Variants in ENPP1 observed in about 807,000 individuals in gnomAD.
ENPP1 encodes ectonucleotide pyrophosphatase/phosphodiesterase family member 1.
Under a neutral mutation model 122.8 loss-of-function variants are expected in ENPP1, and 73 were observed. The observed-to-expected ratio is 0.59, with a 90% CI of 0.49 to 0.72. The LOEUF is 0.72. ENPP1 is among the 30% of genes least tolerant of loss of function. The pLI is 0.00. For missense variants in ENPP1, 978 were observed against 1,128.1 expected, an observed-to-expected ratio of 0.87 and a Z score of 1.91; for synonymous variants, 367 against 391.6, an observed-to-expected ratio of 0.94 and a Z score of 0.74.
chr6:131,818,663 G>T (rs1426527268), intron 1 of ENPP1, among the ~76,000 whole-genome samples: 2 of 150,148 alleles, frequency 1.3e-5, no homozygotes, highest in Non-Finnish European at 3.0e-5. Flanking sequence ...AAAAAAAAAT[G>T]TCCTTGATGA....
intron 1 of ENPP1, chr6:131,825,938 A>C (rs1265876770): frequency 2.1e-6 from 1 of 473,688 alleles, no homozygotes; most frequent in Non-Finnish European, 3.8e-6. Flanking sequence ...GCCCTGGAGC[A>C]TACTTTCAAA....
chr6:131,854,782 G>A (rs1388820834), intron 5 of ENPP1, 144 bp from the exon 6 acceptor site: 16 of 676,956 alleles, frequency 2.4e-5, no homozygotes, highest in Admixed American at 1.6e-4. Flanking sequence ...TATGCTTGCC[G>A]ACTTTGTTAG....
At chr6:131,875,676 A>G in intron 16 of ENPP1, 100 bp from the exon 17 acceptor site, 5 of 871,902 alleles carry the variant, frequency 5.7e-6, no homozygotes, top group Non-Finnish European at 9.8e-6. Context: ...TTATCTTATC[A>G]TAACCAGTTT....
Position 131,827,312 on chromosome 6 carries a change from A to T in ENPP1, c.240+19037A>T, listed in dbSNP as rs201437847. ...AAGGATCATACTGATTAGCCAGATG[A>T]AGGATGAAGGCAAAGTCATTCTTGA... On this transcript the variant is annotated intron_variant, in intron 1 of 24. Transcript: ENST00000647893. The T allele has an allele frequency of 1.1e-3, 1,479 of 1,338,024 alleles. 11 individuals carry two copies. In the Middle Eastern group the frequency reaches 0.012, roughly 11 times the overall value. The allele number at this position is 1,338,024 out of a possible 1,614,324, so 82.9% of individuals were successfully genotyped here.
intron 9 of ENPP1, among the ~76,000 whole-genome samples, chr6:131,862,169 C>CA (rs1329322904): frequency 2.0e-5 from 3 of 151,336 alleles, no homozygotes; most frequent in Admixed American, 6.6e-5. Context: ...AACTCCCTAT[C>CA]AAAAAACAAC....
At position 131,850,041 on chromosome 6, in the gene ENPP1, G is replaced by A; in HGVS notation, c.365G>A (p.Cys122Tyr). Reference protein sequence around the residue: ...CFERTFGNCRCDAACVELGNC... With the variant: ...CFERTFGNCRYDAACVELGNC... ...GAGAGAACATTTGGGAACTGTCGCT[G>A]TGATGCTGCCTGTGTTGAGCTTGGA... Residue 122 changes from cysteine to tyrosine, a missense_variant, in exon 3 of 25, where the codon TGT becomes TAT. Cys to Tyr is a radical substitution (Grantham distance 194, BLOSUM62 -2). Transcript: ENST00000647893. The A allele has an allele frequency of 6.2e-7, 1 of 1,614,098 alleles. No individual in the cohort carries two copies. The highest frequency in any genetic ancestry group is 8.5e-7 in the Non-Finnish European group (1 of 1,179,986).
At chr6:131,826,425 A>G (rs998859454) in intron 1 of ENPP1, 1 of 916,730 alleles carries the variant, frequency 1.1e-6, no homozygotes, top group Non-Finnish European at 1.8e-6. Flanking sequence ...GCTCTAGGTT[A>G]GATAATGCCC....
chr6:131,885,134 G>T, intron 23 of ENPP1, 71 bp downstream of exon 23: 1 of 1,474,856 alleles, frequency 6.8e-7, no homozygotes, highest in South Asian at 1.2e-5. Context: ...CCATCCAGTT[G>T]AGTCAACAGA....
chr6:131,874,915 C>T (rs1163720968), intron 16 of ENPP1, among the ~76,000 whole-genome samples: 2 of 151,978 alleles, frequency 1.3e-5, no homozygotes, highest in African/African-American at 4.8e-5. Flanking sequence ...TTTGCAGCAA[C>T]ATGGATGGAA....
chr6:131,883,309 C>G (rs1166695241), intron 21 of ENPP1, among the ~76,000 whole-genome samples: 1 of 152,162 alleles, frequency 6.6e-6, no homozygotes, highest in African/African-American at 2.4e-5. Flanking sequence ...GATGTTTTTT[C>G]TGGGTAGCAG....
In ENPP1 at chr6:131,849,696, T is replaced by G. The variant is rs60128326; in HGVS notation, c.314-294T>G. ...TGACTTTTATTTTATCACACCATGG[T>G]TATTTAAGTCTTATCAGACCCAGTA... is the stretch of plus-strand genomic sequence containing the variant. On this transcript the variant is annotated intron_variant, in intron 2 of 24. Transcript: ENST00000647893. Among the ~76,000 whole-genome samples the G allele has an allele frequency of 2.0e-3, 298 of 152,302 alleles. 2 individuals are homozygous for G. Among genetic ancestry groups the G allele is most frequent in the African/African-American group, 6.8e-3 (282 of 41,568 alleles).
At chr6:131,828,833 C>T (rs1781576942) in intron 1 of ENPP1, among the ~76,000 whole-genome samples, 1 of 152,164 alleles carries the variant, frequency 6.6e-6, no homozygotes, top group South Asian at 2.1e-4. Flanking sequence ...AATACTAGGC[C>T]TTTACAGAAA....
chr6:131,875,808 G>C lies in ENPP1; in HGVS notation c.1668G>C (p.Lys556Asn). 1.2e-6 allele frequency: 2 copies of C among 1,614,092 alleles called. No individual in the cohort carries two copies. Among genetic ancestry groups the C allele is most frequent in the Non-Finnish European group, 1.7e-6 (2 of 1,179,962 alleles). The stretch of plus-strand genomic sequence containing the variant: ...TTGTTGGCTATGGACCTGGATTCAA[G>C]CATGGCATTGAGGCTGACACCTTTG... ...ALFVGYGPGF[K>N]HGIEADTFEN... The change falls in exon 17 of 25, where the codon AAG (lysine) becomes AAC (asparagine). Residue 556 changes from lysine to asparagine, a missense_variant. Around this residue, in one of 3 missense-constraint regions of ENPP1, gnomAD observed 644 missense variants for 781.5 expected, o/e 0.82. Coordinates refer to ENST00000647893, the MANE Select transcript of ENPP1 (RefSeq NM_006208.3).
rs1562186500 is a variant in ENPP1 at position 131,886,582 on chromosome 6, AC to A, written c.2467del (p.Gln823LysfsTer4). ...NLRQKRRVIRNQEILIPTHFF... is the reference protein window; with the variant it reads ...NLRQKRRVIRXQEILIPTHFF... ...TACAGAAAAAGAAGAGTCATCCGTA[AC>A]CAAGAAATTTTGATTCCAACTCACT... On this transcript the variant is annotated frameshift_variant, in exon 24 of 25. Transcript: ENST00000647893. LOFTEE classifies it high-confidence loss of function. 8 of 1,613,676 alleles carry A rather than the reference AC, an allele frequency of 5.0e-6. No individual in the cohort carries two copies. In the South Asian group the frequency reaches 7.7e-5, roughly 16 times the overall value.
chr6:131,872,352 A>G (rs1440055262), intron 14 of ENPP1, among the ~76,000 whole-genome samples: 2 of 152,142 alleles, frequency 1.3e-5, no homozygotes, highest in Non-Finnish European at 2.9e-5. Context: ...TTTTAAAACT[A>G]TTTACAAGAA....
intron 1 of ENPP1, among the ~76,000 whole-genome samples, chr6:131,823,751 A>C (rs1781509434): frequency 6.6e-6 from 1 of 151,908 alleles, no homozygotes; most frequent in Non-Finnish European, 1.5e-5. Context: ...CATAGAGCTT[A>C]GTGAGTAAGG....
intron 5 of ENPP1, among the ~76,000 whole-genome samples, chr6:131,852,574 T>C (rs973540331): frequency 6.6e-6 from 1 of 152,176 alleles, no homozygotes; most frequent in African/African-American, 2.4e-5. Flanking sequence ...GCCCAACCTG[T>C]ATTTTTAGCC....
In ENPP1 at chr6:131,872,949, A is replaced by T; in HGVS notation, c.1464A>T (p.Lys488Asn). The change falls in exon 15 of 25, where the codon AAA becomes AAT. Residue 488 changes from lysine to asparagine, a missense_variant. Physicochemically the swap from Lys to Asn is moderately conservative, Grantham distance 94 (BLOSUM62 0). Coordinates refer to ENST00000647893, the MANE Select transcript of ENPP1 (RefSeq NM_006208.3). ...LSCREPNQHF[K>N]PYLKHFLPKR... ...GCCGGGAACCAAACCAGCACTTCAA[A>T]CCTTACCTGAAACATTTCTTACCTA... 1 of 1,613,762 alleles carries T rather than the reference A, an allele frequency of 6.2e-7. No individual in the cohort carries two copies.
At chr6:131,810,644 A>G (rs75575511) in intron 1 of ENPP1, among the ~76,000 whole-genome samples, 2 of 152,182 alleles carry the variant, frequency 1.3e-5, no homozygotes, top group South Asian at 4.1e-4. Flanking sequence ...ACTAATTGCA[A>G]CCTGGGGTTG....
Sources: gnomAD v4.1 joint callset for allele counts (sites outside exome capture counted in the v4.1 genomes callset) on GRCh38, gnomAD v4.1.1 for gene constraint, gnomAD v4.1.1 regional missense constraint, MANE v1.5 for transcripts, NCBI Gene and HGNC (gene_info 2026-07-23, HGNC 2026-07-21) for gene names.